Variants in ARID3C observed in about 807,000 individuals in gnomAD.
ARID3C encodes AT-rich interactive domain-containing protein 3C.
ARID3C carries 42 observed loss-of-function variants against 37.9 expected under a neutral mutation model. That is an observed-to-expected ratio of 1.11 (90% CI 0.87 to 1.43). The LOEUF is 1.43. ARID3C is among the 40% of genes most tolerant of loss of function. ARID3C has a pLI of 0.00. For synonymous variants in ARID3C, 213 were observed against 228.0 expected (o/e 0.93, Z 0.59); for missense variants, 581 against 548.8 (o/e 1.06, Z -0.59).
chr9:34,627,731 G>T (rs765215252), exon 1 of ARID3C: 1 of 1,613,594 alleles, frequency 6.2e-7, no homozygotes, highest in Admixed American at 1.7e-5. Flanking sequence ...CCACTCGTGG[G>T]GATGGAGTCC....
At chr9:34,625,745 T>A (rs1196275560) in exon 2 of ARID3C, 2 of 1,613,870 alleles carry the variant, frequency 1.2e-6, no homozygotes, top group Admixed American at 3.3e-5. Flanking sequence ...CACTCACCCC[T>A]CTTTTGCATG....
chr9:34,621,694 A>C, intron 6 of ARID3C, 136 bp from the exon 8 acceptor site: 1 of 689,608 alleles, frequency 1.5e-6, no homozygotes, highest in Non-Finnish European at 2.5e-6. Context: ...CAAACCAATG[A>C]GGACAAGCTC....
upstream of ARID3C, among the ~76,000 whole-genome samples, chr9:34,630,370 A>G (rs370310202): frequency 6.6e-6 from 1 of 151,904 alleles, no homozygotes; most frequent in Non-Finnish European, 1.5e-5. Flanking sequence ...CATACTTCCT[A>G]TTTCTTCCTG....
At chr9:34,625,946 G>A in intron 1 of ARID3C, 132 bp from the exon 3 acceptor site, 1 of 1,017,188 alleles carries the variant, frequency 9.8e-7, no homozygotes, top group Non-Finnish European at 1.4e-6. Flanking sequence ...GACTCCCTGG[G>A]ATTAGCATTA....
exon 4 of ARID3C, chr9:34,623,565 G>A: frequency 1.2e-6 from 2 of 1,605,330 alleles, no homozygotes; most frequent in Non-Finnish European, 8.5e-7. Flanking sequence ...AGCGCCCCGA[G>A]GGGGCGGCCC....
intron 1 of ARID3C, among the ~76,000 whole-genome samples, chr9:34,627,411 G>T (rs1820670125): frequency 6.6e-6 from 1 of 152,188 alleles, no homozygotes; most frequent in African/African-American, 2.4e-5. Flanking sequence ...GGGAAGCTGA[G>T]GTGGGAGGAT....
chr9:34,631,482 C>T (rs1322070335), upstream of ARID3C, among the ~76,000 whole-genome samples: 1 of 152,186 alleles, frequency 6.6e-6, no homozygotes, highest in South Asian at 2.1e-4. Flanking sequence ...CCTTCAGAGA[C>T]CCATGCTTCA....
intron 6 of ARID3C, 72 bp downstream of exon 7, chr9:34,621,948 A>G: frequency 7.0e-7 from 1 of 1,418,780 alleles, no homozygotes. Context: ...TAGTAGAGGA[A>G]GTCTAAAATC....
At chr9:34,621,528 G>T (rs745803356) in exon 7 of ARID3C, 1 of 1,564,114 alleles carries the variant, frequency 6.4e-7, no homozygotes, top group South Asian at 1.2e-5. Context: ...CTGGGAAGCT[G>T]GCACAGGCTG....
At chr9:34,621,886 C>A (rs1820568963) in intron 6 of ARID3C, 134 bp downstream of exon 7, 1 of 901,648 alleles carries the variant, frequency 1.1e-6, no homozygotes, top group South Asian at 1.5e-5. Context: ...GTCTAGCAAT[C>A]CCCTGAACTC....
At chr9:34,629,027 C>G (rs545334272), upstream of ARID3C, among the ~76,000 whole-genome samples, 730 of 152,090 alleles carry the variant, frequency 4.8e-3, 7 homozygotes, top group African/African-American at 0.017. Context: ...CTCCCGCCGC[C>G]CTGTGCTCCT....
intron 5 of ARID3C, 48 bp from the exon 7 acceptor site, chr9:34,622,157 T>C: frequency 6.2e-7 from 1 of 1,608,322 alleles, no homozygotes; most frequent in Non-Finnish European, 8.5e-7. Flanking sequence ...ATCAGACTTC[T>C]GACTTATTAA....
upstream of ARID3C, among the ~76,000 whole-genome samples, chr9:34,629,019 CCCGCCGCCCTGTGCTCCT>C (rs1199342766): frequency 6.6e-6 from 1 of 151,894 alleles, no homozygotes; most frequent in East Asian, 1.9e-4. Context: ...GCGGTGCGCT[CCCGCCGCCCTGTGCTCCT>C]CTGGCGGCTG....
chr9:34,628,185 A>G (rs2132315696), upstream of ARID3C: 1 of 876,220 alleles, frequency 1.1e-6, no homozygotes, highest in Non-Finnish European at 1.6e-6. This position sits in a 1 kb window ranked among gnomAD's most constrained non-coding sequence, Gnocchi z 5.2. Flanking sequence ...CAGGGGTCAC[A>G]AGGAAAGAGG....
At chr9:34,623,749 G>C in intron 3 of ARID3C, 35 bp from the exon 5 acceptor site, 1 of 1,508,188 alleles carries the variant, frequency 6.6e-7, no homozygotes. Context: ...GTGTATGGGA[G>C]GCTGCACCCA....
In ARID3C at chr9:34,623,388, C is replaced by T. The variant is rs902592156; in HGVS notation, c.865+37G>A. 2.7e-6 allele frequency: 4 copies of T among 1,475,950 alleles called. No individual in the cohort carries two copies. In the African/African-American group the frequency reaches 4.3e-5, roughly 16 times the overall value. The allele number at this position is 1,475,950 out of a possible 1,614,324, so 91.4% of individuals were successfully genotyped here. A position where few individuals can be genotyped will look rare whatever the true frequency, so the allele number is the denominator to read the frequency against. On this transcript the variant is annotated intron_variant, in intron 4 of 6. Transcript: ENST00000378909. ...TATATCTTAGCGCCCACCTAAACCTCAGAGACCCCGAAACCTCTACCATTC... is the reference window on the plus strand; with the variant it reads ...TATATCTTAGCGCCCACCTAAACCTTAGAGACCCCGAAACCTCTACCATTC...
chr9:34,621,632 G>T, intron 6 of ARID3C, 74 bp from the exon 8 acceptor site: 1 of 1,102,602 alleles, frequency 9.1e-7, no homozygotes, highest in Non-Finnish European at 1.3e-6. Context: ...CAGAAGAGGG[G>T]AACAAAAGTA....
chr9:34,631,348 G>C (rs1229988639), upstream of ARID3C, among the ~76,000 whole-genome samples: 7 of 152,166 alleles, frequency 4.6e-5, no homozygotes, highest in Non-Finnish European at 1.0e-4. Context: ...ACTGGGAAGG[G>C]CTGAGGGGAA....
In ARID3C at chr9:34,628,072, C is replaced by A; in HGVS notation, c.-58G>T. On this transcript the variant is annotated 5_prime_UTR_variant, in exon 1 of 7. Transcript: ENST00000378909. The surrounding 1 kb of genome is among the most constrained non-coding windows in gnomAD (Gnocchi z 5.2). ...GGGTCCCTGGTACCAGGCGGGACCC[C>A]GAGGAAAGGGCCGCCTGTGGGGGAG... is the stretch of plus-strand genomic sequence containing the variant. 1 of 1,440,472 alleles carries A rather than the reference C, an allele frequency of 6.9e-7. No individual in the cohort carries two copies. The highest frequency in any genetic ancestry group is 1.5e-5 in the South Asian group (1 of 67,668). The allele number at this position is 1,440,472 out of a possible 1,614,324, so 89.2% of individuals were successfully genotyped here. A position where few individuals can be genotyped will look rare whatever the true frequency, so the allele number is the denominator to read the frequency against.
Sources: gnomAD v4.1 joint callset for allele counts (sites outside exome capture counted in the v4.1 genomes callset) on GRCh38, gnomAD v4.1.1 for gene constraint, Gnocchi (gnomAD v3.1) non-coding constraint, MANE v1.5 for transcripts, NCBI Gene and HGNC (gene_info 2026-07-23, HGNC 2026-07-21) for gene names.